COL23A1: variants seen among roughly 807,000 people sequenced by gnomAD.
COL23A1 encodes the protein collagen alpha-1(XXIII) chain.
COL23A1 carries 97 observed loss-of-function variants against 99.3 expected under a neutral mutation model. The ratio of observed to expected loss-of-function variants is 0.98; its 90% confidence interval spans 0.83 to 1.16. The LOEUF (loss-of-function observed/expected upper bound fraction) is 1.16, where lower values mean the gene tolerates loss of function less well. Among genes scored for constraint, COL23A1 ranks in the 50% most tolerant of loss-of-function variants. The pLI, the probability that COL23A1 is intolerant of heterozygous loss-of-function variation, is 0.00. For synonymous variants in COL23A1, 320 were observed against 308.2 expected (o/e 1.04, Z -0.40); for missense variants, 762 against 757.4 (o/e 1.01, Z -0.07).
chr5:178,290,814 G>A (rs972445426), intron 3 of COL23A1, among the ~76,000 whole-genome samples: 1 of 152,156 alleles, frequency 6.6e-6, no homozygotes, highest in African/African-American at 2.4e-5. Context: ...CAGGCTTTTT[G>A]GGGGAGGGGG....
intron 2 of COL23A1, among the ~76,000 whole-genome samples, chr5:178,467,031 T>C (rs905118574): frequency 6.6e-6 from 1 of 152,250 alleles, no homozygotes; most frequent in Non-Finnish European, 1.5e-5. Flanking sequence ...TGTATATATA[T>C]ACGTAAAATG....
chr5:178,267,029 A>C (rs1301400539), intron 8 of COL23A1, among the ~76,000 whole-genome samples: 1 of 152,220 alleles, frequency 6.6e-6, no homozygotes, highest in Non-Finnish European at 1.5e-5. Context: ...CGCTGTCTCC[A>C]GTCTGGGGTC....
intron 2 of COL23A1, among the ~76,000 whole-genome samples, chr5:178,427,423 T>G (rs2127810023): frequency 6.6e-6 from 1 of 152,304 alleles, no homozygotes; most frequent in Middle Eastern, 3.4e-3. Context: ...CCTTGGTATT[T>G]ACACAAAGAA....
At chr5:178,515,443 G>C (rs966148630) in intron 2 of COL23A1, among the ~76,000 whole-genome samples, 1 of 152,186 alleles carries the variant, frequency 6.6e-6, no homozygotes, top group African/African-American at 2.4e-5. Context: ...TAACCAGCCA[G>C]AGTAGGGACA....
chr5:178,585,703 A>AC (rs1265964483), intron 1 of COL23A1, among the ~76,000 whole-genome samples: 1 of 134,410 alleles, frequency 7.4e-6, no homozygotes, highest in South Asian at 2.3e-4. Context: ...AATGCCCTAC[A>AC]GCCCTGGATG....
chr5:178,437,930 G>C (rs1227488492), intron 2 of COL23A1, among the ~76,000 whole-genome samples: 1 of 152,078 alleles, frequency 6.6e-6, no homozygotes, highest in Non-Finnish European at 1.5e-5. Flanking sequence ...TGCCTGGTCT[G>C]AGTGCCCACC....
intron 2 of COL23A1, among the ~76,000 whole-genome samples, chr5:178,357,652 T>C (rs1035771641): frequency 6.6e-6 from 1 of 152,242 alleles, no homozygotes; most frequent in Non-Finnish European, 1.5e-5. Flanking sequence ...ATAAAGGAAT[T>C]TACCCATCAG....
At chr5:178,548,956 GAC>G (rs1463546530) in intron 2 of COL23A1, among the ~76,000 whole-genome samples, 3 of 152,064 alleles carry the variant, frequency 2.0e-5, no homozygotes, top group East Asian at 3.9e-4. Flanking sequence ...TTGTAGAAAC[GAC>G]AGTCACAGGA....
rs570605418 is a variant in COL23A1 at position 178,543,419 on chromosome 5, T to A, written c.361+17263A>T. On this transcript the variant is annotated intron_variant, in intron 2 of 28. Transcript: ENST00000390654. ...ACCGCGCCTGACCTATAGTTGGTTT[T>A]TATAACAGTCCTTTTTTAAAAAAAT... Among the ~76,000 whole-genome samples the A allele has an allele frequency of 3.8e-3, 577 of 152,296 alleles. 7 individuals carry two copies. The highest frequency in any genetic ancestry group is 0.013 in the African/African-American group (538 of 41,546).
intron 2 of COL23A1, among the ~76,000 whole-genome samples, chr5:178,437,350 C>T (rs1392301441): frequency 6.6e-6 from 1 of 152,136 alleles, no homozygotes; most frequent in African/African-American, 2.4e-5. Flanking sequence ...CTCTTTAGGA[C>T]CTACCTGGGA....
At position 178,434,469 on chromosome 5, in the gene COL23A1, T is replaced by C. The variant is rs1766442329; in HGVS notation, c.361+126213A>G. Among the ~76,000 whole-genome samples the C allele has an allele frequency of 6.6e-6, 1 of 152,204 alleles. No individual in the cohort carries two copies. Among genetic ancestry groups the C allele is most frequent in the Non-Finnish European group, 1.5e-5 (1 of 68,036 alleles). On this transcript the variant is annotated intron_variant, in intron 2 of 28. Transcript: ENST00000390654. This position sits in a 1 kb window ranked among gnomAD's most constrained non-coding sequence, Gnocchi z 4.3. ...TGTGACAGGCATGGACTCTCACATG[T>C]CTGAACCTCACACCTCATCTGTAAA...
intron 18 of COL23A1, 78 bp downstream of exon 18, chr5:178,249,983 A>ATG (rs1764942637): frequency 1.4e-6 from 2 of 1,442,974 alleles, no homozygotes; most frequent in South Asian, 1.2e-5. Context: ...ACACATGCAC[A>ATG]CGCACACACA....
At chr5:178,420,523 CCCTCCTCACTTTCCT>C in intron 2 of COL23A1, among the ~76,000 whole-genome samples, 12 of 83,166 alleles carry the variant, frequency 1.4e-4, no homozygotes, top group Non-Finnish European at 1.8e-4. Context: ...CCTCTCCTCC[CCCTCCTCACTTTCCT>C]CCTCCCCTCC....
At position 178,518,851 on chromosome 5, in the gene COL23A1, G is replaced by A. The variant is rs1162601846; in HGVS notation, c.361+41831C>T. ...TCCGCTCCTCCAGCCGCTGCCTCCC[G>A]GGCGGCGCTCGCCGGCGCGGCGGCA... On this transcript the variant is annotated intron_variant, in intron 2 of 28. Transcript: ENST00000390654. Among the ~76,000 whole-genome samples the A allele has an allele frequency of 3.4e-5, 5 of 148,692 alleles. No homozygotes were observed. In the East Asian group the frequency reaches 8.0e-4, roughly 24 times the overall value.
chr5:178,502,338 A>T (rs542802207), intron 2 of COL23A1, among the ~76,000 whole-genome samples: 1 of 152,126 alleles, frequency 6.6e-6, no homozygotes, highest in Non-Finnish European at 1.5e-5. Context: ...TCACCATGTT[A>T]GCCAGGATGG....
chr5:178,315,503 G>T (rs1185448386), intron 2 of COL23A1, among the ~76,000 whole-genome samples: 1 of 152,356 alleles, frequency 6.6e-6, no homozygotes, highest in African/African-American at 2.4e-5. Context: ...AGGCCAGGGC[G>T]TTTGCCTGCA....
intron 2 of COL23A1, among the ~76,000 whole-genome samples, chr5:178,332,292 G>T (rs1561869590): frequency 6.6e-6 from 1 of 152,180 alleles, no homozygotes. Flanking sequence ...TGGCTGCTAG[G>T]ATGCAGGTGT....
At chr5:178,568,235 G>C (rs1284815350) in intron 1 of COL23A1, among the ~76,000 whole-genome samples, 4 of 152,184 alleles carry the variant, frequency 2.6e-5, no homozygotes, top group African/African-American at 9.7e-5. Context: ...AATGGTCATA[G>C]ATTGGAAGAG....
intron 2 of COL23A1, among the ~76,000 whole-genome samples, chr5:178,369,890 T>A (rs1163101737): frequency 6.6e-6 from 1 of 152,046 alleles, no homozygotes. Flanking sequence ...AAAACAAGGG[T>A]TGAAACAAAT....
Sources: gnomAD v4.1 joint callset for allele counts (sites outside exome capture counted in the v4.1 genomes callset) on GRCh38, gnomAD v4.1.1 for gene constraint, Gnocchi (gnomAD v3.1) non-coding constraint, MANE v1.5 for transcripts, NCBI Gene and HGNC (gene_info 2026-07-23, HGNC 2026-07-21) for gene names.